Variants in SAXO1 observed in about 807,000 individuals in gnomAD.
The protein encoded by SAXO1 is 4930500O09Rik.
A neutral mutation model predicts 17.5 loss-of-function variants in SAXO1; 21 were observed. The observed-to-expected ratio is 1.20, with a 90% CI of 0.85 to 1.72. The LOEUF is 1.72. Among genes scored for constraint, SAXO1 ranks in the 40% most tolerant of loss-of-function variants. The pLI is 0.00. For synonymous variants in SAXO1, 274 were observed against 216.5 expected, an observed-to-expected ratio of 1.27 and a Z score of -2.33; for missense variants, 843 against 596.0, an observed-to-expected ratio of 1.41 and a Z score of -4.32.
chr9:19,043,067 G>C (rs1836115538), intron 1 of SAXO1, among the ~76,000 whole-genome samples: 1 of 152,128 alleles, frequency 6.6e-6, no homozygotes, highest in Non-Finnish European at 1.5e-5. Context: ...AGCTACTCAG[G>C]AGGCTGAGGT....
chr9:19,025,779 A>G (rs78186749), intron 1 of SAXO1, among the ~76,000 whole-genome samples: 1 of 152,292 alleles, frequency 6.6e-6, no homozygotes, highest in African/African-American at 2.4e-5. Flanking sequence ...TTCATTAACA[A>G]TTTTTTACAA....
chr9:18,989,237 C>T (rs1299720972), intron 1 of SAXO1, among the ~76,000 whole-genome samples: 1 of 152,140 alleles, frequency 6.6e-6, no homozygotes, highest in Non-Finnish European at 1.5e-5. Flanking sequence ...ACATTCGATG[C>T]CTCTTTCTTT....
At chr9:18,968,335 G>T (rs570677863) in intron 1 of SAXO1, among the ~76,000 whole-genome samples, 1 of 152,284 alleles carries the variant, frequency 6.6e-6, no homozygotes, top group Non-Finnish European at 1.5e-5. Flanking sequence ...GTGAGCCACA[G>T]CACCCAGCCA....
intron 1 of SAXO1, among the ~76,000 whole-genome samples, chr9:18,989,934 T>C (rs1306516841): frequency 6.6e-6 from 1 of 152,246 alleles, no homozygotes; most frequent in African/African-American, 2.4e-5. Context: ...GAATTAATTT[T>C]TTTTGAATAT....
chr9:19,007,446 A>G (rs916092285), intron 1 of SAXO1, among the ~76,000 whole-genome samples: 3 of 152,176 alleles, frequency 2.0e-5, no homozygotes, highest in Admixed American at 6.5e-5. Context: ...TAAAATACGG[A>G]CTTTTTGGAT....
intron 1 of SAXO1, among the ~76,000 whole-genome samples, chr9:19,047,293 G>C (rs1265625938): frequency 6.6e-6 from 1 of 152,196 alleles, no homozygotes. Flanking sequence ...GAACCCAGGA[G>C]GTGGAGGTTG....
At chr9:18,962,316 C>T (rs138084031) in intron 1 of SAXO1, among the ~76,000 whole-genome samples, 1 of 152,360 alleles carries the variant, frequency 6.6e-6, no homozygotes, top group East Asian at 1.9e-4. Flanking sequence ...GATCTGCCCG[C>T]CTTGGCCTCC....
intron 1 of SAXO1, among the ~76,000 whole-genome samples, chr9:18,957,929 A>G (rs1832321949): frequency 6.6e-6 from 1 of 152,250 alleles, no homozygotes; most frequent in Non-Finnish European, 1.5e-5. Context: ...ATATACCCAG[A>G]GGCCAAAGGA....
intron 1 of SAXO1, among the ~76,000 whole-genome samples, chr9:19,018,409 C>T (rs1344907118): frequency 6.6e-6 from 1 of 152,096 alleles, no homozygotes; most frequent in African/African-American, 2.4e-5. Flanking sequence ...AGAAGGCTTC[C>T]AAGACCAGAA....
chr9:18,957,702 T>A (rs558576693), intron 1 of SAXO1, among the ~76,000 whole-genome samples: 3 of 152,198 alleles, frequency 2.0e-5, no homozygotes, highest in African/African-American at 7.2e-5. Context: ...CTAGGGTGCC[T>A]GGAATAGCGA....
At chr9:18,989,340 T>C (rs1833713452) in intron 1 of SAXO1, among the ~76,000 whole-genome samples, 1 of 152,198 alleles carries the variant, frequency 6.6e-6, no homozygotes, top group Non-Finnish European at 1.5e-5. Flanking sequence ...TGAAGTCCTG[T>C]TTTATATAGA....
rs758671299 is a variant in SAXO1, at chr9:18,928,253, G to A, written c.1224C>T (p.Tyr408=). 3 of 1,613,568 alleles carry A rather than the reference G, an allele frequency of 1.9e-6. No homozygotes were observed. Among genetic ancestry groups the A allele is most frequent in the Non-Finnish European group, 2.5e-6 (3 of 1,179,544 alleles). The change falls in exon 4 of 4, where the codon TAC becomes TAT. Residue 408 remains tyrosine, a synonymous_variant. Transcript: ENST00000380534. ...TTTCCTTGGGAGTAAAGCTGATGGT[G>A]TAGGTGGTCTGGCTTTCCACAGGGA... ...GNVPVESQTT[Y]TISFTPKEMG... is the part of the protein sequence containing the mutation.
chr9:18,928,314 C>A lies in SAXO1; in HGVS notation c.1163G>T (p.Ser388Ile), dbSNP rs149400984. The change falls in exon 4 of 4, where the codon AGC becomes ATC. Residue 388 changes from serine (S) to isoleucine (I), a missense_variant. Physicochemically the swap from Ser to Ile is moderately radical, Grantham distance 142. Coordinates refer to ENST00000380534, the MANE Select transcript of SAXO1 (RefSeq NM_153707.4). ...YVPHLPINTK[S>I]CKPHWSGPRG... ...AGGGCCAGACCAATGAGGCTTACAG[C>A]TTTTGGTATTGATAGGCAGGTGGGG... 15 of 1,613,110 alleles carry A rather than the reference C, an allele frequency of 9.3e-6. No individual in the cohort carries two copies. The Admixed American group carries it at 2.3e-4, about 25-fold the overall frequency.
chr9:19,046,871 A>G (rs1347373194), intron 1 of SAXO1, among the ~76,000 whole-genome samples: 2 of 152,054 alleles, frequency 1.3e-5, no homozygotes, highest in African/African-American at 4.8e-5. Flanking sequence ...GTCTCTAAAA[A>G]TAAATTTAAA....
At chr9:19,005,516 A>T (rs1394274246) in intron 1 of SAXO1, among the ~76,000 whole-genome samples, 1 of 152,220 alleles carries the variant, frequency 6.6e-6, no homozygotes, top group East Asian at 1.9e-4. Flanking sequence ...TATCAAGACT[A>T]TTCAATGTGG....
At chr9:18,990,500 G>A (rs764196776) in intron 1 of SAXO1, among the ~76,000 whole-genome samples, 7 of 152,150 alleles carry the variant, frequency 4.6e-5, no homozygotes, top group African/African-American at 9.7e-5. Flanking sequence ...GAACCTCAGA[G>A]GTTGAGGCTG....
chr9:18,941,354 T>C (rs978019697), intron 3 of SAXO1, among the ~76,000 whole-genome samples: 5 of 152,218 alleles, frequency 3.3e-5, no homozygotes, highest in East Asian at 1.9e-4. Flanking sequence ...TGAATGAATA[T>C]GGCTGCGTTC....
At chr9:18,986,073 G>A (rs1480155838) in intron 1 of SAXO1, among the ~76,000 whole-genome samples, 1 of 152,084 alleles carries the variant, frequency 6.6e-6, no homozygotes, top group Non-Finnish European at 1.5e-5. Flanking sequence ...TTCATTCTTA[G>A]CAGAGATCCT....
intron 1 of SAXO1, among the ~76,000 whole-genome samples, chr9:18,980,857 C>A (rs1360043873): frequency 6.7e-6 from 1 of 150,266 alleles, no homozygotes; most frequent in African/African-American, 2.4e-5. Flanking sequence ...ACCCTCACCG[C>A]TCATCCATCA....
Sources: gnomAD v4.1 joint callset for allele counts (sites outside exome capture counted in the v4.1 genomes callset) on GRCh38, gnomAD v4.1.1 for gene constraint, MANE v1.5 for transcripts, NCBI Gene and HGNC (gene_info 2026-07-23, HGNC 2026-07-21) for gene names.